Variants in AK8 observed in about 807,000 individuals in gnomAD.
AK8 encodes adenylate kinase 8, also known as ATP-AMP transphosphorylase 8.
In AK8, 44 loss-of-function variants were observed where a neutral mutation model predicts 54.6. The ratio of observed to expected loss-of-function variants is 0.81; its 90% CI spans 0.63 to 1.04. The LOEUF is 1.04. Ranked by LOEUF, AK8 falls within the 50% of genes least tolerant of loss-of-function variation. The pLI is 0.00. For missense variants in AK8, 555 were observed against 613.6 expected (o/e 0.90, Z 1.01); for synonymous variants, 239 against 245.6 (o/e 0.97, Z 0.25).
At chr9:132,782,794 TG>T (rs1459177387) in intron 11 of AK8, among the ~76,000 whole-genome samples, 1 of 152,222 alleles carries the variant, frequency 6.6e-6, no homozygotes, top group East Asian at 1.9e-4. Flanking sequence ...ACTTAGCCTT[TG>T]GGTACTTTGG....
chr9:132,762,741 TA>T (rs373846078), intron 11 of AK8, among the ~76,000 whole-genome samples: 5 of 152,152 alleles, frequency 3.3e-5, no homozygotes, highest in African/African-American at 1.2e-4. Flanking sequence ...CTGTCTCTAC[TA>T]AAAATACAAA....
intron 5 of AK8, among the ~76,000 whole-genome samples, chr9:132,853,171 A>G (rs1041948700): frequency 6.6e-6 from 1 of 152,000 alleles, no homozygotes; most frequent in East Asian, 1.9e-4. Context: ...AGCCTGGCCA[A>G]CAAGGGGGAA....
At chr9:132,812,964 T>C (rs1841136242) in intron 10 of AK8, among the ~76,000 whole-genome samples, 1 of 138,822 alleles carries the variant, frequency 7.2e-6, no homozygotes, top group Non-Finnish European at 1.5e-5. Context: ...ACAGATCACC[T>C]CATTCTGTGG....
intron 5 of AK8, among the ~76,000 whole-genome samples, chr9:132,843,875 T>C (rs571340545): frequency 1.3e-5 from 2 of 152,228 alleles, no homozygotes; most frequent in African/African-American, 2.4e-5. Flanking sequence ...AATAAATTCA[T>C]TCATTCTTTA....
intron 5 of AK8, among the ~76,000 whole-genome samples, chr9:132,839,376 A>G (rs1842445970): frequency 6.6e-6 from 1 of 152,222 alleles, no homozygotes; most frequent in South Asian, 2.1e-4. Context: ...CATGGGGCAA[A>G]GTAACACTCT....
intron 10 of AK8, among the ~76,000 whole-genome samples, chr9:132,808,064 A>C (rs1299990793): frequency 6.6e-6 from 1 of 152,114 alleles, no homozygotes; most frequent in Admixed American, 6.6e-5. Context: ...ATCAGCAGCA[A>C]CCATCTCATT....
chr9:132,867,226 C>T (rs1222741803), intron 2 of AK8, among the ~76,000 whole-genome samples: 1 of 152,096 alleles, frequency 6.6e-6, no homozygotes, highest in Non-Finnish European at 1.5e-5. Flanking sequence ...ATATCAAGAA[C>T]AATTGGGATT....
At chr9:132,875,247 C>T in intron 1 of AK8, 48 bp from the exon 2 acceptor site, 4 of 1,607,344 alleles carry the variant, frequency 2.5e-6, no homozygotes, top group Non-Finnish European at 3.4e-6. Flanking sequence ...TGCAAGGGCA[C>T]CTGGTCACCA....
chr9:132,835,602 C>T (rs926596183), intron 5 of AK8, among the ~76,000 whole-genome samples: 1 of 152,198 alleles, frequency 6.6e-6, no homozygotes, highest in Non-Finnish European at 1.5e-5. Context: ...GACTTTCAAC[C>T]AGTCACTTCA....
rs192481626 is a variant in AK8 at position 132,803,601 on chromosome 9, G to A, written c.980-10826C>T. 9.5e-4 allele frequency among the ~76,000 whole-genome samples: 144 copies of A among 152,190 alleles called. No homozygotes were observed. Among genetic ancestry groups the A allele is most frequent in the African/African-American group, 3.2e-3 (134 of 41,518 alleles). On this transcript the variant is annotated intron_variant, in intron 10 of 12. Coordinates refer to ENST00000298545, the MANE Select transcript of AK8 (RefSeq NM_152572.3). The surrounding 1 kb of genome is among the most constrained non-coding windows in gnomAD (Gnocchi z 4.4). ...AACAAATGGGATCCTAGGAAAGCTC[G>A]CCTTACAGATGGGAAAACTGAAGGG...
chr9:132,732,190 A>T (rs1338140710), intron 11 of AK8, among the ~76,000 whole-genome samples: 1 of 152,180 alleles, frequency 6.6e-6, no homozygotes, highest in Non-Finnish European at 1.5e-5. Flanking sequence ...AATAAACATC[A>T]TTTAAATAAT....
chr9:132,836,325 C>T (rs896820594), intron 5 of AK8, among the ~76,000 whole-genome samples: 1 of 152,054 alleles, frequency 6.6e-6, no homozygotes, highest in African/African-American at 2.4e-5. Context: ...TAGTGCCTGG[C>T]AACAAAGAAA....
rs540810744 is a variant in AK8, at chr9:132,804,820, C to T, written c.979+9818G>A. 4.6e-5 allele frequency among the ~76,000 whole-genome samples: 7 copies of T among 152,262 alleles called. 1 individual carries two copies. The South Asian group carries it at 1.5e-3, about 32-fold the overall frequency. ...CTGGTTGACAAACCCCAGCAAGTCC[C>T]ACCTCCCTGATCATAAGTGTAGAGG... On this transcript the variant is annotated intron_variant, in intron 10 of 12. Transcript: ENST00000298545.
chr9:132,754,068 G>C (rs577719506), intron 11 of AK8, among the ~76,000 whole-genome samples: 1 of 152,266 alleles, frequency 6.6e-6, no homozygotes, highest in African/African-American at 2.4e-5. Context: ...AGGGTGACTT[G>C]GTTAACAGCT....
intron 11 of AK8, among the ~76,000 whole-genome samples, chr9:132,761,570 T>G (rs1838474587): frequency 6.6e-6 from 1 of 152,188 alleles, no homozygotes; most frequent in Non-Finnish European, 1.5e-5. Flanking sequence ...CCTCTATTTC[T>G]TCTTATGTCA....
intron 2 of AK8, among the ~76,000 whole-genome samples, chr9:132,868,678 G>A (rs57592933): frequency 0.02 from 2,997 of 152,258 alleles, 106 homozygotes; most frequent in African/African-American, 0.068. Flanking sequence ...GGCAGAGACC[G>A]AGTCTTATCC....
At chr9:132,811,354 G>A (rs186738137) in intron 10 of AK8, among the ~76,000 whole-genome samples, 8 of 152,348 alleles carry the variant, frequency 5.3e-5, no homozygotes, top group Admixed American at 3.3e-4. Flanking sequence ...GAGGGTCAGA[G>A]TCAGAGAGGG....
chr9:132,854,528 C>G (rs1429583314), intron 5 of AK8, among the ~76,000 whole-genome samples: 3 of 152,216 alleles, frequency 2.0e-5, no homozygotes, highest in African/African-American at 4.8e-5. Flanking sequence ...CCTGCCGATG[C>G]CAGTCCCTGG....
In AK8 at chr9:132,725,690, A is replaced by C; in HGVS notation, c.1438T>G (p.Ter480GlyextTer?). The change falls in exon 13 of 13, where the codon TGA (stop) becomes GGA (glycine). Residue 480 changes from the stop codon to glycine (G), a stop_lost. Transcript: ENST00000298545. ...IINPLPKKIP[*>G] ...CAGCGCTCCTGGCTCTGAACCCATC[A>C]GGGGATTTTCTTGGGCAGGGGATTA... The C allele has an allele frequency of 6.4e-7, 1 of 1,572,648 alleles. No homozygotes were observed. Among genetic ancestry groups the C allele is most frequent in the Non-Finnish European group, 8.7e-7 (1 of 1,155,706 alleles).
Sources: gnomAD v4.1 joint callset for allele counts (sites outside exome capture counted in the v4.1 genomes callset) on GRCh38, gnomAD v4.1.1 for gene constraint, Gnocchi (gnomAD v3.1) non-coding constraint, MANE v1.5 for transcripts, NCBI Gene and HGNC (gene_info 2026-07-23, HGNC 2026-07-21) for gene names.